Variants in CNTNAP2 observed in about 807,000 individuals in gnomAD.
CNTNAP2 encodes contactin associated protein 2, also known as contactin-associated protein-like 2.
In CNTNAP2, 98 loss-of-function variants were observed where a neutral mutation model predicts 155.2. The ratio of observed to expected loss-of-function variants is 0.63; its 90% confidence interval spans 0.54 to 0.75. The LOEUF (loss-of-function observed/expected upper bound fraction) is 0.75. Ranked by LOEUF, CNTNAP2 falls within the 30% of genes least tolerant of loss-of-function variation. The pLI is 0.00. For missense variants in CNTNAP2, 1,727 were observed against 1,688.1 expected, an observed-to-expected ratio of 1.02 and a Z score of -0.40; for synonymous variants, 651 against 631.2, an observed-to-expected ratio of 1.03 and a Z score of -0.47.
At chr7:148,110,572 G>A (rs905957310) in intron 15 of CNTNAP2, among the ~76,000 whole-genome samples, 2 of 152,152 alleles carry the variant, frequency 1.3e-5, no homozygotes, top group African/African-American at 4.8e-5. Context: ...CACATCACAA[G>A]TTCAGTTACT....
At chr7:146,842,982 GC>G (rs1297741384) in intron 3 of CNTNAP2, among the ~76,000 whole-genome samples, 1 of 99,642 alleles carries the variant, frequency 1.0e-5, no homozygotes. Context: ...ACCACGCCCG[GC>G]CTGTCCCACA....
chr7:147,239,470 A>G (rs1027528082), intron 8 of CNTNAP2, among the ~76,000 whole-genome samples: 1 of 150,004 alleles, frequency 6.7e-6, no homozygotes, highest in African/African-American at 2.5e-5. Context: ...AGATTGCGCC[A>G]CTGCACTCCA....
intron 9 of CNTNAP2, among the ~76,000 whole-genome samples, chr7:147,384,678 A>G (rs1014859719): frequency 6.6e-6 from 1 of 152,232 alleles, no homozygotes; most frequent in Non-Finnish European, 1.5e-5. Context: ...ACAAGGTGGA[A>G]TAAATGTAAT....
chr7:148,089,255 T>C (rs375196133), intron 15 of CNTNAP2, among the ~76,000 whole-genome samples: 1 of 152,008 alleles, frequency 6.6e-6, no homozygotes, highest in Admixed American at 6.6e-5. Context: ...AAGACAAGGA[T>C]GCCCACTCTT....
At chr7:146,611,443 T>C (rs1799135400) in intron 1 of CNTNAP2, among the ~76,000 whole-genome samples, 1 of 152,126 alleles carries the variant, frequency 6.6e-6, no homozygotes, top group Non-Finnish European at 1.5e-5. Flanking sequence ...GAAAAAAAAT[T>C]CTCTCATGTT....
rs187692093 is a variant in CNTNAP2 at position 146,418,741 on chromosome 7, A to C, written c.97+301768A>C. ...TCTGCAAAATATTGTTATGATTTGA[A>C]TTGTGTCCTCCTGAAAGAAGTTGAA... On this transcript the variant is annotated intron_variant, in intron 1 of 23. Transcript: ENST00000361727. Among the ~76,000 whole-genome samples the C allele has an allele frequency of 7.9e-5, 12 of 152,276 alleles. No homozygotes were observed. The East Asian group carries it at 2.3e-3, about 29-fold the overall frequency.
intron 8 of CNTNAP2, among the ~76,000 whole-genome samples, chr7:147,221,430 C>G (rs1803396713): frequency 6.6e-6 from 1 of 152,088 alleles, no homozygotes; most frequent in Non-Finnish European, 1.5e-5. Context: ...CCTTGATATG[C>G]AGCAGTGATG....
intron 13 of CNTNAP2, among the ~76,000 whole-genome samples, chr7:147,734,566 G>C (rs189850767): frequency 2.0e-5 from 3 of 152,122 alleles, no homozygotes; most frequent in African/African-American, 7.2e-5. Context: ...TTTTTCTATT[G>C]ATTGGAATAG....
chr7:147,087,267 C>A (rs1252841081), intron 4 of CNTNAP2, among the ~76,000 whole-genome samples: 1 of 152,040 alleles, frequency 6.6e-6, no homozygotes, highest in Non-Finnish European at 1.5e-5. Context: ...TTATCAGATT[C>A]TTTGCAATGT....
chr7:146,729,488 T>C (rs1316681443), intron 1 of CNTNAP2, among the ~76,000 whole-genome samples: 1 of 152,108 alleles, frequency 6.6e-6, no homozygotes, highest in Non-Finnish European at 1.5e-5. Flanking sequence ...GAAATGCACA[T>C]TTATACTGTT....
chr7:146,219,886 T>C (rs1177715588), intron 1 of CNTNAP2, among the ~76,000 whole-genome samples: 1 of 152,178 alleles, frequency 6.6e-6, no homozygotes, highest in Non-Finnish European at 1.5e-5. Context: ...ACTCTAAAGA[T>C]TATGGCTCAT....
At chr7:146,343,384 G>A (rs951768425) in intron 1 of CNTNAP2, among the ~76,000 whole-genome samples, 2 of 151,820 alleles carry the variant, frequency 1.3e-5, no homozygotes, top group African/African-American at 4.8e-5. Flanking sequence ...ACAGTCATCA[G>A]CATAAGATTT....
chr7:146,379,329 C>T (rs1795348893), intron 1 of CNTNAP2, among the ~76,000 whole-genome samples: 1 of 152,096 alleles, frequency 6.6e-6, no homozygotes, highest in Non-Finnish European at 1.5e-5. Flanking sequence ...GGGATGTTAT[C>T]AGGGAGGAAA....
At chr7:147,461,306 T>C (rs1053180526) in intron 10 of CNTNAP2, among the ~76,000 whole-genome samples, 2 of 152,178 alleles carry the variant, frequency 1.3e-5, no homozygotes, top group Non-Finnish European at 2.9e-5. Flanking sequence ...AACAGTTCAT[T>C]GGTTGTATGA....
intron 4 of CNTNAP2, among the ~76,000 whole-genome samples, chr7:147,049,294 T>A (rs1026481541): frequency 6.6e-6 from 1 of 152,208 alleles, no homozygotes; most frequent in Admixed American, 6.5e-5. Flanking sequence ...ATTACACTTA[T>A]CTCTTTTCCA....
intron 11 of CNTNAP2, among the ~76,000 whole-genome samples, chr7:147,498,914 A>T (rs1798761027): frequency 6.6e-6 from 1 of 152,056 alleles, no homozygotes; most frequent in Non-Finnish European, 1.5e-5. Flanking sequence ...GCTCACATTG[A>T]CACTTGATTA....
At chr7:147,250,950 T>C (rs1195499852) in intron 8 of CNTNAP2, among the ~76,000 whole-genome samples, 1 of 152,194 alleles carries the variant, frequency 6.6e-6, no homozygotes, top group Non-Finnish European at 1.5e-5. Context: ...TGGGTTGCTT[T>C]GTTCCTGTTT....
intron 21 of CNTNAP2, among the ~76,000 whole-genome samples, chr7:148,300,159 G>T (rs374211465): frequency 7.2e-5 from 11 of 152,204 alleles, no homozygotes; most frequent in African/African-American, 2.4e-4. Context: ...CAGCAGGAGA[G>T]ATGCTAAAGG....
intron 15 of CNTNAP2, among the ~76,000 whole-genome samples, chr7:147,987,453 G>C (rs756700129): frequency 1.3e-5 from 2 of 152,176 alleles, no homozygotes; most frequent in Non-Finnish European, 2.9e-5. Flanking sequence ...ATTTGTATTT[G>C]GAGGAATCGT....
Sources: allele counts gnomAD v4.1 joint callset (sites outside exome capture counted in the v4.1 genomes callset), GRCh38; gene constraint gnomAD v4.1.1; transcripts MANE v1.5; gene names NCBI Gene and HGNC (gene_info 2026-07-23, HGNC 2026-07-21).